The following CREB3L1 variants were observed in gnomAD, a reference collection of about 807,000 sequenced individuals.
CREB3L1 encodes cyclic AMP-responsive element-binding protein 3-like protein 1.
In CREB3L1, 33 loss-of-function variants were observed where a neutral mutation model predicts 54.5. That is an observed-to-expected ratio of 0.61 (90% CI 0.46 to 0.81). The LOEUF (loss-of-function observed/expected upper bound fraction) is 0.81, where lower values mean the gene tolerates loss of function less well. Among genes scored for constraint, CREB3L1 ranks in the 30% least tolerant of loss-of-function variants. CREB3L1 has a pLI of 0.00. For missense variants in CREB3L1, 656 were observed against 673.3 expected (o/e 0.97, Z 0.29); for synonymous variants, 284 against 286.4 (o/e 0.99, Z 0.08).
intron 10 of CREB3L1, among the ~76,000 whole-genome samples, chr11:46,318,457 T>C (rs958535482): frequency 6.6e-6 from 1 of 152,230 alleles, no homozygotes; most frequent in African/African-American, 2.4e-5. Context: ...CTTTCATTTC[T>C]TCATCTAGAA....
chr11:46,298,509 C>T (rs1396679717), intron 1 of CREB3L1, among the ~76,000 whole-genome samples: 1 of 152,182 alleles, frequency 6.6e-6, no homozygotes. Flanking sequence ...ACCAGCCTAG[C>T]CAACATGGTG....
chr11:46,301,989 AC>A (rs1474755269), intron 2 of CREB3L1, among the ~76,000 whole-genome samples: 1 of 151,368 alleles, frequency 6.6e-6, no homozygotes, highest in African/African-American at 2.4e-5. Context: ...ACAGAGTGAA[AC>A]CCCATCTCTA....
In CREB3L1 at chr11:46,320,706, C is replaced by T. The variant is rs568180156; in HGVS notation, c.1524-4C>T. 3.9e-5 allele frequency: 63 copies of T among 1,611,380 alleles called. No individual in the cohort carries two copies. The African/African-American group carries it at 4.8e-4, about 12-fold the overall frequency. ...GTCATCGCTGGCCTCTCTTCTCTCT[C>T]CAGGGATCTGGGCCCCAACACCACC... On this transcript the variant is annotated splice_polypyrimidine_tract_variant and splice_region_variant and intron_variant, in intron 11 of 11. Transcript: ENST00000621158.
chr11:46,289,942 T>C lies in CREB3L1; in HGVS notation c.103-9993T>C, dbSNP rs552694557. On this transcript the variant is annotated intron_variant, in intron 1 of 11. Transcript: ENST00000621158. ...AGGCCTGCGGTCCATCAGGCGGATC[T>C]CAGCTGTCAGCCTGTCTGGGTGATC... 3.9e-5 allele frequency among the ~76,000 whole-genome samples: 6 copies of C among 152,282 alleles called. No homozygotes were observed. The South Asian group carries it at 1.2e-3, about 32-fold the overall frequency.
chr11:46,317,689 A>C (rs1939587808), intron 10 of CREB3L1, among the ~76,000 whole-genome samples: 1 of 152,218 alleles, frequency 6.6e-6, no homozygotes. Context: ...TTGGGACTAA[A>C]ATACAGAGCT....
Position 46,320,873 on chromosome 11 carries a change from C to A in CREB3L1, c.*127C>A, listed in dbSNP as rs755056630. ...TCCCATTCCAGGAGAAAAGGCTCCA[C>A]TTCCCAGCCCTTCCTTGCCCCTGAC... On this transcript the variant is annotated 3_prime_UTR_variant, in exon 12 of 12. Coordinates refer to ENST00000621158, the MANE Select transcript of CREB3L1 (RefSeq NM_052854.4). 24 of 959,894 alleles carry A rather than the reference C, an allele frequency of 2.5e-5. No homozygotes were observed. The highest frequency in any genetic ancestry group is 3.6e-5 in the Non-Finnish European group (22 of 608,322). The allele number at this position is 959,894 out of a possible 1,614,324, so 59.5% of individuals were successfully genotyped here. A position where few individuals can be genotyped will look rare whatever the true frequency, so the allele number is the denominator to read the frequency against.
chr11:46,306,186 C>T (rs1939394520), intron 2 of CREB3L1, among the ~76,000 whole-genome samples: 1 of 152,178 alleles, frequency 6.6e-6, no homozygotes, highest in Non-Finnish European at 1.5e-5. Flanking sequence ...GGATTATAGG[C>T]GTGAGCTACC....
At chr11:46,305,383 C>G (rs1590346384) in intron 2 of CREB3L1, among the ~76,000 whole-genome samples, 1 of 152,000 alleles carries the variant, frequency 6.6e-6, no homozygotes, top group Non-Finnish European at 1.5e-5. Flanking sequence ...GCCTCATACC[C>G]CCAGTCACTG....
intron 1 of CREB3L1, among the ~76,000 whole-genome samples, chr11:46,280,801 G>A (rs564072812): frequency 6.6e-6 from 1 of 152,090 alleles, no homozygotes; most frequent in African/African-American, 2.4e-5. Context: ...TCTTCATTCT[G>A]CATGAGGATA....
intron 1 of CREB3L1, among the ~76,000 whole-genome samples, chr11:46,294,481 G>A (rs1189749355): frequency 6.6e-6 from 1 of 152,200 alleles, no homozygotes; most frequent in Non-Finnish European, 1.5e-5. Context: ...AATGGATGAG[G>A]AAACCGAGGC....
intron 8 of CREB3L1, among the ~76,000 whole-genome samples, chr11:46,314,666 C>A (rs953770634): frequency 1.3e-5 from 2 of 151,848 alleles, no homozygotes; most frequent in Non-Finnish European, 2.9e-5. Context: ...TGATCCACTG[C>A]ACCTGGCCTT....
chr11:46,277,986 C>CCGGG lies in CREB3L1; in HGVS notation c.-126_-125insCGGG. On this transcript the variant is annotated 5_prime_UTR_variant, in exon 1 of 12. Transcript: ENST00000621158. ...GCGCCGCCTCCGTCCGCCCCTCCCCCGGGGCTTCGCCCCGGACCTGCCCCC... is the reference window on the plus strand; with the variant it reads ...GCGCCGCCTCCGTCCGCCCCTCCCCCCGGGGGGGCTTCGCCCCGGACCTGCCCCC... 1.9e-5 allele frequency: 8 copies of CCGGG among 423,402 alleles called. No homozygotes were observed. The highest frequency in any genetic ancestry group is 3.8e-5 in the East Asian group (1 of 26,086). The allele number at this position is 423,402 out of a possible 1,614,324, so 26.2% of individuals were successfully genotyped here.
chr11:46,303,766 C>T (rs1939335514), intron 2 of CREB3L1, among the ~76,000 whole-genome samples: 1 of 151,914 alleles, frequency 6.6e-6, no homozygotes. Flanking sequence ...TTTGGGAGGC[C>T]GAGGCAGGAG....
In CREB3L1 at chr11:46,290,670, C is replaced by T. The variant is rs1939116718; in HGVS notation, c.103-9265C>T. The stretch of plus-strand genomic sequence containing the variant: ...ATCCCTTCAGAGGACTAACAGGGAG[C>T]CTGACTGTGGCACGGTGCCAGAGGG... On this transcript the variant is annotated intron_variant, in intron 1 of 11. Coordinates refer to ENST00000621158, the MANE Select transcript of CREB3L1 (RefSeq NM_052854.4). Among the ~76,000 whole-genome samples, 6 of 151,938 alleles carry T rather than the reference C, an allele frequency of 3.9e-5. 1 individual carries two copies. In the South Asian group the frequency reaches 1.2e-3, roughly 31 times the overall value.
At chr11:46,304,440 T>C (rs1939348477) in intron 2 of CREB3L1, among the ~76,000 whole-genome samples, 1 of 152,066 alleles carries the variant, frequency 6.6e-6, no homozygotes, top group Non-Finnish European at 1.5e-5. Context: ...CATTGCACTC[T>C]AGCCTGGGCA....
intron 10 of CREB3L1, among the ~76,000 whole-genome samples, chr11:46,318,978 C>A (rs185261526): frequency 1.3e-4 from 20 of 152,212 alleles, no homozygotes; most frequent in African/African-American, 3.4e-4. Context: ...GGGGTGGTCA[C>A]TAAAGGCGGG....
At chr11:46,320,209 G>T in intron 10 of CREB3L1, 55 bp from the exon 11 acceptor site, 2 of 1,520,870 alleles carry the variant, frequency 1.3e-6, no homozygotes, top group South Asian at 1.3e-5. Flanking sequence ...CATGAATGTG[G>T]CCAGGATGTT....
intron 9 of CREB3L1, among the ~76,000 whole-genome samples, chr11:46,316,812 C>T (rs1282606112): frequency 6.6e-6 from 1 of 152,210 alleles, no homozygotes; most frequent in African/African-American, 2.4e-5. Flanking sequence ...GTGTTTCAGA[C>T]CTCTTCCAGT....
intron 1 of CREB3L1, among the ~76,000 whole-genome samples, chr11:46,293,849 G>A (rs938549507): frequency 1.1e-4 from 17 of 152,212 alleles, no homozygotes; most frequent in Non-Finnish European, 2.1e-4. Flanking sequence ...TCCTGTGTCT[G>A]GGGTGACTTC....
Sources: gnomAD v4.1 joint callset for allele counts (sites outside exome capture counted in the v4.1 genomes callset) on GRCh38, gnomAD v4.1.1 for gene constraint, MANE v1.5 for transcripts, NCBI Gene and HGNC (gene_info 2026-07-23, HGNC 2026-07-21) for gene names.